The following IQCM variants were observed in gnomAD, a reference collection of about 807,000 sequenced individuals.
The protein encoded by IQCM is IQ motif containing M.
Under a neutral mutation model 57.6 loss-of-function variants are expected in IQCM, and 45 were observed. That is an observed-to-expected ratio of 0.78 (90% CI 0.62 to 1.00). The LOEUF (loss-of-function observed/expected upper bound fraction) is 1.00. Ranked by LOEUF, IQCM falls within the 50% of genes least tolerant of loss-of-function variation. The probability of loss-of-function intolerance (pLI) is 0.00; values close to 1 mark genes in which losing one functional copy is unlikely to be tolerated. For missense variants in IQCM, 468 were observed against 511.6 expected (o/e 0.91, Z 0.82); for synonymous variants, 148 against 158.9 (o/e 0.93, Z 0.51).
In IQCM at chr4:149,811,054, T is replaced by C. The variant is rs141936191; in HGVS notation, c.-49+4257A>G. ...TTTTCTACTCATAGATACTGTTCTA[T>C]AAGAAGAACAAGCCTAAAAATTTCT... On this transcript the variant is annotated intron_variant, in intron 2 of 13. Coordinates refer to ENST00000636793, the MANE Select transcript of IQCM (RefSeq NM_001363507.2). 4.3e-3 allele frequency among the ~76,000 whole-genome samples: 650 copies of C among 152,290 alleles called. 6 individuals carry two copies. The highest frequency in any genetic ancestry group is 0.015 in the African/African-American group (618 of 41,558).
rs538784515 is a variant in IQCM at position 149,733,794 on chromosome 4, A to C, written c.121-286T>G. Among the ~76,000 whole-genome samples the C allele has an allele frequency of 1.1e-4, 16 of 152,240 alleles. No individual in the cohort carries two copies. The South Asian group carries it at 3.3e-3, about 32-fold the overall frequency. On this transcript the variant is annotated intron_variant, in intron 4 of 13. Coordinates refer to ENST00000636793, the MANE Select transcript of IQCM (RefSeq NM_001363507.2). Reference sequence around the variant, plus strand: ...TTTTAAAATAGCAACTTTCTCCCCAAAGTGATATTTTTAATTACAGGTTTC... The same window carrying C: ...TTTTAAAATAGCAACTTTCTCCCCACAGTGATATTTTTAATTACAGGTTTC...
chr4:149,673,616 C>T (rs552536022), intron 7 of IQCM, among the ~76,000 whole-genome samples: 4 of 152,084 alleles, frequency 2.6e-5, no homozygotes, highest in African/African-American at 9.7e-5. Flanking sequence ...CACCCAGATT[C>T]ATAAAGCAAG....
chr4:149,694,165 T>C (rs1046368760), intron 5 of IQCM, among the ~76,000 whole-genome samples: 1 of 152,090 alleles, frequency 6.6e-6, no homozygotes, highest in Non-Finnish European at 1.5e-5. Context: ...CTTATTCAGT[T>C]ACATAGATTT....
At chr4:149,498,043 A>C (rs1290926599) in intron 12 of IQCM, among the ~76,000 whole-genome samples, 1 of 152,138 alleles carries the variant, frequency 6.6e-6, no homozygotes, top group East Asian at 1.9e-4. Flanking sequence ...GTTCCTAAGA[A>C]AAGTTAGAAC....
chr4:149,542,518 AG>A (rs566278067), intron 12 of IQCM, among the ~76,000 whole-genome samples: 1 of 152,200 alleles, frequency 6.6e-6, no homozygotes, highest in African/African-American at 2.4e-5. Flanking sequence ...CAATGAGCTT[AG>A]AAAAGTCTCT....
intron 2 of IQCM, among the ~76,000 whole-genome samples, chr4:149,814,408 A>T (rs1774862337): frequency 1.3e-5 from 2 of 151,886 alleles, no homozygotes; most frequent in African/African-American, 4.8e-5. Context: ...ATCTCTTACC[A>T]CCAGAATTAT....
At chr4:149,680,358 A>G (rs1314018241) in intron 7 of IQCM, among the ~76,000 whole-genome samples, 1 of 151,318 alleles carries the variant, frequency 6.6e-6, no homozygotes, top group African/African-American at 2.4e-5. Context: ...ACTGCATAAC[A>G]TTTTGTTTAT....
In IQCM at chr4:149,460,805, A is replaced by G. The variant is rs139642105; in HGVS notation, c.1229-27248T>C. ...AACAAAAGGTACTGACAATAATTGG[A>G]AAATATTTATATCTAATGGAATAAA... is the stretch of plus-strand genomic sequence containing the variant. On this transcript the variant is annotated intron_variant, in intron 12 of 13. Coordinates refer to ENST00000636793, the MANE Select transcript of IQCM (RefSeq NM_001363507.2). 3.4e-3 allele frequency among the ~76,000 whole-genome samples: 522 copies of G among 152,290 alleles called. 4 individuals are homozygous for G. The highest frequency in any genetic ancestry group is 0.011 in the African/African-American group (476 of 41,560).
chr4:149,414,446 T>C (rs1578979826), intron 13 of IQCM, among the ~76,000 whole-genome samples: 1 of 152,130 alleles, frequency 6.6e-6, no homozygotes, highest in African/African-American at 2.4e-5. Flanking sequence ...GTACATTCAT[T>C]TGAGTCCCAC....
intron 13 of IQCM, among the ~76,000 whole-genome samples, chr4:149,407,570 T>TA (rs1733075644): frequency 6.6e-6 from 1 of 151,996 alleles, no homozygotes; most frequent in African/African-American, 2.4e-5. Context: ...GGATTTTTTT[T>TA]TAATTTTCTG....
In IQCM at chr4:149,460,338, C is replaced by T. The variant is rs570321383; in HGVS notation, c.1229-26781G>A. 3.0e-4 allele frequency among the ~76,000 whole-genome samples: 46 copies of T among 152,084 alleles called. 1 individual carries two copies. The highest frequency in any genetic ancestry group is 5.9e-4 in the Non-Finnish European group (40 of 68,000). On this transcript the variant is annotated intron_variant, in intron 12 of 13. Coordinates refer to ENST00000636793, the MANE Select transcript of IQCM (RefSeq NM_001363507.2). ...AACCCCTTATAAGATACATGATTTG[C>T]AAATATGTTCTCCCATTTTTTGGGT... is the stretch of plus-strand genomic sequence containing the variant.
At chr4:149,741,682 A>G (rs573323977) in intron 3 of IQCM, among the ~76,000 whole-genome samples, 85 of 152,184 alleles carry the variant, frequency 5.6e-4, no homozygotes, top group Non-Finnish European at 1.1e-3. Flanking sequence ...CCTCAGCTCT[A>G]TGTGCGGCAC....
At position 149,626,392 on chromosome 4, in the gene IQCM, C is replaced by CATATATATATATATATAGATAT. The variant is rs371051488; in HGVS notation, c.566-5149_566-5148insATATCTATATATATATATATAT. 5.1e-4 allele frequency among the ~76,000 whole-genome samples: 62 copies of CATATATATATATATATAGATAT among 120,562 alleles called. 2 individuals are homozygous for CATATATATATATATATAGATAT. The South Asian group carries it at 0.018, about 34-fold the overall frequency. The allele number at this position is 120,562 out of a possible 152,430, so 79.1% of individuals were successfully genotyped here. On this transcript the variant is annotated intron_variant, in intron 7 of 13. Coordinates refer to ENST00000636793, the MANE Select transcript of IQCM (RefSeq NM_001363507.2). ...GATTGTGTTAGTTATACTTAATAAA[C>CATATATATATATATATAGATAT]ATATATATATATAAGTTTATAGCAA... is the stretch of plus-strand genomic sequence containing the variant.
chr4:149,518,756 G>C (rs1163204346), intron 12 of IQCM, among the ~76,000 whole-genome samples: 1 of 152,198 alleles, frequency 6.6e-6, no homozygotes, highest in Non-Finnish European at 1.5e-5. Context: ...GGTGAAAAGA[G>C]AGTTCAGCCA....
Position 149,553,153 on chromosome 4 carries a change from G to A in IQCM, c.1083C>T (p.Asp361=). Reference sequence around the variant, plus strand: ...GTCTGCATCACTTACATTTTTTTCGGTCCATCCACTCCTCTAGCTCTGCTA... The same window carrying A: ...GTCTGCATCACTTACATTTTTTTCGATCCATCCACTCCTCTAGCTCTGCTA... ...LNLAELEEWM[D]RKKFYEIMFA... The change falls in exon 11 of 14, where the codon GAC becomes GAT. Residue 361 remains aspartate (D), a synonymous_variant. Transcript: ENST00000636793. The A allele has an allele frequency of 8.1e-7, 1 of 1,231,570 alleles. No individual in the cohort carries two copies. Among genetic ancestry groups the A allele is most frequent in the Non-Finnish European group, 1.0e-6 (1 of 987,766 alleles). The allele number at this position is 1,231,570 out of a possible 1,614,324, so 76.3% of individuals were successfully genotyped here. A position where few individuals can be genotyped will look rare whatever the true frequency, so the allele number is the denominator to read the frequency against.
intron 13 of IQCM, among the ~76,000 whole-genome samples, chr4:149,356,807 T>C (rs1387188118): frequency 6.6e-6 from 1 of 152,204 alleles, no homozygotes; most frequent in East Asian, 1.9e-4. Flanking sequence ...TTGATGGGGA[T>C]GGCATTGAAT....
At chr4:149,586,647 A>G (rs72957421) in intron 9 of IQCM, among the ~76,000 whole-genome samples, 2,768 of 151,674 alleles carry the variant, frequency 0.018, 55 homozygotes, top group African/African-American at 0.054. Context: ...GTGCCCTTAA[A>G]AATAATGTAT....
intron 2 of IQCM, among the ~76,000 whole-genome samples, chr4:149,787,313 TAAATA>T (rs1048361142): frequency 2.7e-5 from 4 of 149,994 alleles, no homozygotes; most frequent in South Asian, 2.1e-4. Flanking sequence ...AATACAGGAA[TAAATA>T]AAATAAAATA....
chr4:149,462,824 C>A (rs4561912), intron 12 of IQCM, among the ~76,000 whole-genome samples: 3 of 152,160 alleles, frequency 2.0e-5, no homozygotes, highest in Admixed American at 1.3e-4. Context: ...CTGAATTATT[C>A]TGGATTCAAC....
Sources: gnomAD v4.1 joint callset for allele counts (sites outside exome capture counted in the v4.1 genomes callset) on GRCh38, gnomAD v4.1.1 for gene constraint, MANE v1.5 for transcripts, NCBI Gene and HGNC (gene_info 2026-07-23, HGNC 2026-07-21) for gene names.